Variants in NKD1 observed in about 807,000 individuals in gnomAD.
The protein encoded by NKD1 is protein naked cuticle homolog 1.
In NKD1, 21 loss-of-function variants were observed where a neutral mutation model predicts 56.0. The ratio of observed to expected loss-of-function variants is 0.38; its 90% CI spans 0.27 to 0.54. The LOEUF (loss-of-function observed/expected upper bound fraction) is 0.54, where lower values mean the gene tolerates loss of function less well. Ranked by LOEUF, NKD1 falls within the 20% of genes least tolerant of loss-of-function variation. The probability of loss-of-function intolerance (pLI) is 0.82; values close to 1 mark genes in which losing one functional copy is unlikely to be tolerated. For synonymous variants in NKD1, 263 were observed against 265.7 expected (o/e 0.99, Z 0.10); for missense variants, 578 against 642.7 (o/e 0.90, Z 1.09).
chr16:50,568,874 A>G (rs1960821995), intron 3 of NKD1, among the ~76,000 whole-genome samples: 1 of 152,146 alleles, frequency 6.6e-6, no homozygotes. Flanking sequence ...GATGCATGCT[A>G]GAAGTTTTGT....
chr16:50,577,257 G>A (rs1202444559), intron 3 of NKD1, among the ~76,000 whole-genome samples: 1 of 152,148 alleles, frequency 6.6e-6, no homozygotes, highest in African/African-American at 2.4e-5. Context: ...TGGGTGGGTA[G>A]AGTATATTTG....
At chr16:50,573,331 A>G (rs892316976) in intron 3 of NKD1, among the ~76,000 whole-genome samples, 12 of 151,852 alleles carry the variant, frequency 7.9e-5, no homozygotes, top group African/African-American at 2.7e-4. Flanking sequence ...GTTGCTATGG[A>G]GACCTCCTGA....
At position 50,632,323 on chromosome 16, in the gene NKD1, C is replaced by T; in HGVS notation, c.738C>T (p.His246=). The T allele has an allele frequency of 6.2e-7, 1 of 1,614,086 alleles. No homozygotes were observed. The highest frequency in any genetic ancestry group is 8.5e-7 in the Non-Finnish European group (1 of 1,179,938). ...DSRLEQSGCY[H]HCVDENIERR... ...GCCTGGAGCAGTCTGGCTGCTACCA[C>T]CATTGCGTAGATGAGAACATCGAGA... The change falls in exon 9 of 10, where the codon CAC becomes CAT. Residue 246 remains histidine (H), a synonymous_variant. Transcript: ENST00000268459. The surrounding 1 kb of genome is among the most constrained non-coding windows in gnomAD (Gnocchi z 4.1).
chr16:50,648,011 G>A lies in NKD1; in HGVS notation c.*14230G>A, dbSNP rs903001653. 3.3e-5 allele frequency: 5 copies of A among 152,248 alleles called. No homozygotes were observed. 9.4% of individuals were successfully genotyped at this position (152,248 alleles called of 1,614,324 possible). A position where few individuals can be genotyped will look rare whatever the true frequency, so the allele number is the denominator to read the frequency against. Reference sequence around the variant, plus strand: ...GAAGTAACTGGGAAAACTCCACAGAGGCTCAGCGTCCACCTCTACCTGACA... The same window carrying A: ...GAAGTAACTGGGAAAACTCCACAGAAGCTCAGCGTCCACCTCTACCTGACA... On this transcript the variant is annotated 3_prime_UTR_variant, in exon 10 of 10. Coordinates refer to ENST00000268459, the MANE Select transcript of NKD1 (RefSeq NM_033119.5).
Position 50,634,850 on chromosome 16 carries a change from C to T in NKD1, c.*1069C>T, listed in dbSNP as rs946159231. 3 of 152,196 alleles carry T rather than the reference C, an allele frequency of 2.0e-5. No homozygotes were observed. The highest frequency in any genetic ancestry group is 2.1e-4 in the South Asian group (1 of 4,836). 9.4% of individuals were successfully genotyped at this position (152,196 alleles called of 1,614,324 possible). A position where few individuals can be genotyped will look rare whatever the true frequency, so the allele number is the denominator to read the frequency against. On this transcript the variant is annotated 3_prime_UTR_variant, in exon 10 of 10. Transcript: ENST00000268459. ...GATGCTTTCATCAGAGGTCCATTCT[C>T]GGGTTTTGGGGTCTGATGGATTTTG...
chr16:50,628,302 C>T (rs922117732), intron 6 of NKD1, among the ~76,000 whole-genome samples: 2 of 152,350 alleles, frequency 1.3e-5, no homozygotes, highest in Admixed American at 6.5e-5. Context: ...GCGGCCGTGC[C>T]TCCCAGGACA....
At chr16:50,585,486 G>T (rs551515617) in intron 3 of NKD1, among the ~76,000 whole-genome samples, 1 of 152,350 alleles carries the variant, frequency 6.6e-6, no homozygotes, top group East Asian at 1.9e-4. Context: ...GAATCTGAGT[G>T]CCCTGGGCAG....
intron 8 of NKD1, among the ~76,000 whole-genome samples, chr16:50,631,212 A>G (rs374890163): frequency 2.0e-5 from 3 of 152,148 alleles, no homozygotes; most frequent in African/African-American, 7.2e-5. Flanking sequence ...AGATGACTGA[A>G]TATTCACACT....
chr16:50,626,298 C>A (rs1385752215), intron 6 of NKD1, among the ~76,000 whole-genome samples: 1 of 152,232 alleles, frequency 6.6e-6, no homozygotes, highest in Non-Finnish European at 1.5e-5. Context: ...AGACACGTTC[C>A]TCGCCCTGGA....
rs754852448 is a variant in NKD1, at chr16:50,630,118, C to G, written c.463-68C>G. The G allele has an allele frequency of 3.7e-5, 56 of 1,496,742 alleles. 1 individual carries two copies. The highest frequency in any genetic ancestry group is 4.7e-5 in the Non-Finnish European group (51 of 1,083,800). The allele number at this position is 1,496,742 out of a possible 1,614,324, so 92.7% of individuals were successfully genotyped here. On this transcript the variant is annotated intron_variant, in intron 6 of 9. Transcript: ENST00000268459. ...TCAGGCCTGCAGCGTCCACCAGGCCCTCTGGTTTGTATTTTCAAGGCCCTG... is the reference window on the plus strand; with the variant it reads ...TCAGGCCTGCAGCGTCCACCAGGCCGTCTGGTTTGTATTTTCAAGGCCCTG...
At chr16:50,625,007 G>A (rs1343015187) in intron 5 of NKD1, among the ~76,000 whole-genome samples, 1 of 152,138 alleles carries the variant, frequency 6.6e-6, no homozygotes, top group African/African-American at 2.4e-5. Context: ...ACAGCAGAGG[G>A]CAGTGACATG....
intron 3 of NKD1, among the ~76,000 whole-genome samples, chr16:50,562,983 A>ACCCCCCCCCCCCCCCCCCCCCCC (rs1483596865): frequency 1.9e-5 from 1 of 53,496 alleles, no homozygotes; most frequent in African/African-American, 1.0e-4. Context: ...AGGTCCCACC[A>ACCCCCCCCCCCCCCCCCCCCCCC]CCACCCCCCC....
intron 3 of NKD1, among the ~76,000 whole-genome samples, chr16:50,605,197 T>G (rs1443018344): frequency 6.6e-6 from 1 of 152,208 alleles, no homozygotes; most frequent in Non-Finnish European, 1.5e-5. Context: ...GGGAGGCCAT[T>G]CTCCAGAGTC....
rs749380822 is a variant in NKD1, at chr16:50,633,228, C to T, written c.860C>T (p.Pro287Leu). The T allele has an allele frequency of 3.1e-6, 5 of 1,612,356 alleles. No homozygotes were observed. In the South Asian group the frequency reaches 4.4e-5, roughly 14 times the overall value. The change falls in exon 10 of 10, where the codon CCC becomes CTC. Residue 287 changes from proline to leucine, a missense_variant. Coordinates refer to ENST00000268459, the MANE Select transcript of NKD1 (RefSeq NM_033119.5). This position sits in a 1 kb window ranked among gnomAD's most constrained non-coding sequence, Gnocchi z 4.9. ...PSVAQKSELP[P>L]RTSNPTRSRS... ...GTGGCCCAGAAGTCAGAACTGCCCC[C>T]CCGCACCTCCAATCCCACTCGATCT...
At chr16:50,617,206 A>T (rs373082072) in intron 4 of NKD1, among the ~76,000 whole-genome samples, 2 of 152,194 alleles carry the variant, frequency 1.3e-5, no homozygotes, top group South Asian at 4.2e-4. Context: ...GGGAGGCGGG[A>T]GGGGTGTCTA....
At chr16:50,566,962 C>T (rs1349551126) in intron 3 of NKD1, among the ~76,000 whole-genome samples, 2 of 152,138 alleles carry the variant, frequency 1.3e-5, no homozygotes, top group African/African-American at 4.8e-5. Context: ...AATTTCAGGG[C>T]ACCTATGGCC....
chr16:50,563,834 G>A (rs1379405242), intron 3 of NKD1, among the ~76,000 whole-genome samples: 2 of 147,744 alleles, frequency 1.4e-5, no homozygotes, highest in East Asian at 4.1e-4. Context: ...TCCTCAGTGG[G>A]CACAGCCCTG....
Position 50,608,316 on chromosome 16 carries a change from G to C in NKD1, c.215G>C (p.Arg72Thr), listed in dbSNP as rs767932527. Residue 72 changes from arginine (R) to threonine (T), a missense_variant, in exon 4 of 10, where the codon AGA becomes ACA. By Grantham distance (71) the Arg-to-Thr change is moderately conservative. Transcript: ENST00000268459. ...TAGGAGCTCGTGGGCGACGTGTTGA[G>C]AGACACGCTCAGCGAGGAAGAGGAG... Reference protein sequence around the residue: ...STRELVGDVLRDTLSEEEEDD... With the variant: ...STRELVGDVLTDTLSEEEEDD... 3.7e-6 allele frequency: 6 copies of C among 1,613,520 alleles called. No homozygotes were observed. The highest frequency in any genetic ancestry group is 3.3e-4 in the Middle Eastern group (2 of 6,062).
rs1962128233 is a variant in NKD1 at position 50,623,024 on chromosome 16, AG to A, written c.366+1320del. Among the ~76,000 whole-genome samples, 1 of 151,968 alleles carries A rather than the reference AG, an allele frequency of 6.6e-6. No individual in the cohort carries two copies. Among genetic ancestry groups the A allele is most frequent in the South Asian group, 2.1e-4 (1 of 4,814 alleles). On this transcript the variant is annotated intron_variant, in intron 5 of 9. Coordinates refer to ENST00000268459, the MANE Select transcript of NKD1 (RefSeq NM_033119.5). The surrounding 1 kb of genome is among the most constrained non-coding windows in gnomAD (Gnocchi z 4.1). The stretch of plus-strand genomic sequence containing the variant: ...GGGAGGTGGGTGAGGCTCTGAGCAT[AG>A]GGGTAGGAGTTGGGAGAGGGGTGCA...
Sources: allele counts gnomAD v4.1 joint callset (sites outside exome capture counted in the v4.1 genomes callset), GRCh38; gene constraint gnomAD v4.1.1; non-coding constraint Gnocchi (gnomAD v3.1); transcripts MANE v1.5; gene names NCBI Gene and HGNC (gene_info 2026-07-23, HGNC 2026-07-21).